Variants in UBA2 observed in about 807,000 individuals in gnomAD.
The protein encoded by UBA2 is SUMO-activating enzyme subunit 2.
UBA2 carries 11 observed loss-of-function variants against 77.2 expected under a neutral mutation model. That is an observed-to-expected ratio of 0.14 (90% CI 0.09 to 0.24). The LOEUF is 0.24. Among genes scored for constraint, UBA2 ranks in the 10% least tolerant of loss-of-function variants. UBA2 has a pLI of 1.00. For missense variants in UBA2, 487 were observed against 781.7 expected, an observed-to-expected ratio of 0.62 and a Z score of 4.50; for synonymous variants, 278 against 276.7, an observed-to-expected ratio of 1.00 and a Z score of -0.05.
intron 15 of UBA2, 113 bp from the exon 16 acceptor site, chr19:34,466,765 A>G: frequency 1.3e-6 from 1 of 747,730 alleles, no homozygotes; most frequent in Non-Finnish European, 2.0e-6. Context: ...AAAAAATTAG[A>G]ATCCACATAT....
rs758413839 is a variant in UBA2, at chr19:34,466,211, A to G, written c.1605-667A>G. Among the ~76,000 whole-genome samples, 64 of 152,082 alleles carry G rather than the reference A, an allele frequency of 4.2e-4. 1 individual carries two copies. Among genetic ancestry groups the G allele is most frequent in the Non-Finnish European group, 1.5e-4 (10 of 67,978 alleles). On this transcript the variant is annotated intron_variant, in intron 15 of 16. Transcript: ENST00000246548. The stretch of plus-strand genomic sequence containing the variant: ...ATTAGCCAGGTGTGGTGGCGCGCCT[A>G]TAGTCCCAGCTGCTTGGGAGGCTGA...
At chr19:34,434,090 A>C (rs1428500901) in intron 4 of UBA2, among the ~76,000 whole-genome samples, 1 of 152,212 alleles carries the variant, frequency 6.6e-6, no homozygotes, top group African/African-American at 2.4e-5. Flanking sequence ...AAATATCTAA[A>C]TAAAAAACAC....
Position 34,441,972 on chromosome 19 carries a change from C to T in UBA2, c.582-1872C>T, listed in dbSNP as rs143209961. On this transcript the variant is annotated intron_variant, in intron 6 of 16. Transcript: ENST00000246548. ...TAATGTGGCCAGGTGCAGTGACACA[C>T]ACCTGTAATCCCGGCTCTTTAGGAG... Among the ~76,000 whole-genome samples the T allele has an allele frequency of 4.6e-5, 7 of 151,070 alleles. No homozygotes were observed. The East Asian group carries it at 1.4e-3, about 29-fold the overall frequency.
intron 8 of UBA2, 29 bp from the exon 9 acceptor site, chr19:34,450,236 G>C: frequency 3.3e-6 from 5 of 1,502,160 alleles, no homozygotes. Flanking sequence ...GGATTATGGG[G>C]TTCATGGGAT....
chr19:34,434,488 T>C (rs1412679591), intron 4 of UBA2, among the ~76,000 whole-genome samples: 1 of 152,250 alleles, frequency 6.6e-6, no homozygotes, highest in Non-Finnish European at 1.5e-5. Flanking sequence ...CAAGTTGATA[T>C]TCCACATTCT....
At chr19:34,468,606 C>T (rs1226381193) in intron 16 of UBA2, among the ~76,000 whole-genome samples, 1 of 152,150 alleles carries the variant, frequency 6.6e-6, no homozygotes, top group African/African-American at 2.4e-5. Context: ...TCCTGGAAAG[C>T]AGATACTCAT....
intron 8 of UBA2, among the ~76,000 whole-genome samples, chr19:34,449,065 C>CTTTTT (rs11332668): frequency 2.0e-4 from 15 of 73,828 alleles, no homozygotes; most frequent in African/African-American, 4.8e-4. Flanking sequence ...AAATATAAAT[C>CTTTTT]TTTTTTTTTT....
At chr19:34,442,393 C>T in intron 6 of UBA2, among the ~76,000 whole-genome samples, 1 of 152,130 alleles carries the variant, frequency 6.6e-6, no homozygotes, top group Non-Finnish European at 1.5e-5. Context: ...CAGATACTTC[C>T]CGATAAACTC....
intron 4 of UBA2, 32 bp from the exon 5 acceptor site, chr19:34,434,836 C>A: frequency 6.5e-7 from 1 of 1,528,038 alleles, no homozygotes; most frequent in Non-Finnish European, 8.9e-7. Context: ...TTTTTTTTTC[C>A]CAAAAACTCA....
At chr19:34,443,784 A>C in intron 6 of UBA2, 60 bp from the exon 7 acceptor site, 2 of 1,132,332 alleles carry the variant, frequency 1.8e-6, no homozygotes, top group Non-Finnish European at 2.7e-6. Flanking sequence ...AATATTCTAA[A>C]TTACATGTTT....
chr19:34,439,519 C>T (rs1378902645), intron 6 of UBA2, among the ~76,000 whole-genome samples: 1 of 151,992 alleles, frequency 6.6e-6, no homozygotes, highest in Non-Finnish European at 1.5e-5. Context: ...GAAAATGAAC[C>T]ACAGAATACA....
Position 34,451,985 on chromosome 19 carries a change from A to C in UBA2, c.876A>C (p.Glu292Asp), listed in dbSNP as rs562265070. 3.3e-6 allele frequency: 5 copies of C among 1,535,106 alleles called. No individual in the cohort carries two copies. The African/African-American group carries it at 4.2e-5, about 13-fold the overall frequency. The change falls in exon 10 of 17, where the codon GAA (glutamate) becomes GAC (aspartate). Residue 292 changes from glutamate (E) to aspartate (D), a missense_variant. By Grantham distance (45) the Glu-to-Asp change is conservative (BLOSUM62 2). Around this residue, in one of 9 missense-constraint regions of UBA2, gnomAD observed 300 missense variants for 454.3 expected, o/e 0.66. Transcript: ENST00000246548. ...LDWAEVQSQG[E>D]ETNASDQQNE... is the part of the protein sequence containing the mutation. ...TATATATATTTTTTTCTTTAGGAGA[A>C]GAAACGAATGCATCAGATCAACAGA...
intron 5 of UBA2, among the ~76,000 whole-genome samples, chr19:34,437,582 C>A (rs913800177): frequency 6.6e-6 from 1 of 151,894 alleles, no homozygotes; most frequent in Non-Finnish European, 1.5e-5. Context: ...TGCACTCCAA[C>A]CTGGGCAACG....
chr19:34,454,803 T>C (rs902001803), intron 12 of UBA2, among the ~76,000 whole-genome samples: 1 of 152,222 alleles, frequency 6.6e-6, no homozygotes. Context: ...AAGAATTCAT[T>C]GTGCGGTCCT....
intron 6 of UBA2, among the ~76,000 whole-genome samples, chr19:34,439,032 A>G (rs928627298): frequency 6.6e-6 from 1 of 152,104 alleles, no homozygotes; most frequent in African/African-American, 2.4e-5. Context: ...AGCATGGTGA[A>G]ACACATCTCT....
chr19:34,430,271 G>T (rs1290693436), intron 1 of UBA2: 2 of 250,998 alleles, frequency 8.0e-6, no homozygotes, highest in African/African-American at 4.5e-5. Context: ...TAGTTTTAAT[G>T]AATTCACATA....
intron 13 of UBA2, 110 bp downstream of exon 13, chr19:34,459,034 C>T: frequency 1.7e-6 from 2 of 1,168,064 alleles, no homozygotes; most frequent in Non-Finnish European, 1.2e-6. Flanking sequence ...AGATGTGTGG[C>T]TGTGATTTCC....
chr19:34,438,522 T>A (rs929434790), intron 5 of UBA2, 123 bp from the exon 6 acceptor site: 19 of 1,248,744 alleles, frequency 1.5e-5, no homozygotes, highest in Non-Finnish European at 2.2e-6. Flanking sequence ...CACTAATATT[T>A]TAAAATTTCC....
At chr19:34,449,182 G>A (rs2075465365) in intron 8 of UBA2, among the ~76,000 whole-genome samples, 1 of 144,508 alleles carries the variant, frequency 6.9e-6, no homozygotes, top group Non-Finnish European at 1.5e-5. Flanking sequence ...CGATTCTCCT[G>A]CCTCAGCCTC....
Sources: gnomAD v4.1 joint callset for allele counts (sites outside exome capture counted in the v4.1 genomes callset) on GRCh38, gnomAD v4.1.1 for gene constraint, gnomAD v4.1.1 regional missense constraint, MANE v1.5 for transcripts, NCBI Gene and HGNC (gene_info 2026-07-23, HGNC 2026-07-21) for gene names.